Variants in GMPR observed in about 807,000 individuals in gnomAD.
GMPR encodes the protein GMP reductase 1.
GMPR carries 31 observed loss-of-function variants against 38.4 expected under a neutral mutation model. That is an observed-to-expected ratio of 0.81 (90% CI 0.61 to 1.09). The LOEUF (loss-of-function observed/expected upper bound fraction) is 1.09, where lower values mean the gene tolerates loss of function less well. Ranked by LOEUF, GMPR falls within the 50% of genes least tolerant of loss-of-function variation. GMPR has a pLI of 0.00. For missense variants in GMPR, 468 were observed against 453.7 expected (o/e 1.03, Z -0.29); for synonymous variants, 162 against 173.3 (o/e 0.93, Z 0.51).
chr6:16,260,097 G>A (rs1005557907), intron 4 of GMPR, among the ~76,000 whole-genome samples: 3 of 152,078 alleles, frequency 2.0e-5, no homozygotes, highest in Non-Finnish European at 4.4e-5. Flanking sequence ...GCTGTACTTT[G>A]TAGCATTCTG....
intron 3 of GMPR, among the ~76,000 whole-genome samples, chr6:16,252,382 C>T (rs557124313): frequency 1.3e-5 from 2 of 152,232 alleles, no homozygotes; most frequent in African/African-American, 4.8e-5. Flanking sequence ...GCCTCAGCCT[C>T]CTGAGTAGCT....
At position 16,238,706 on chromosome 6, in the gene GMPR, G is replaced by A; in HGVS notation, c.13G>A (p.Asp5Asn). The A allele has an allele frequency of 1.4e-6, 2 of 1,427,800 alleles. No individual in the cohort carries two copies. Among genetic ancestry groups the A allele is most frequent in the Non-Finnish European group, 1.9e-6 (2 of 1,077,138 alleles). The allele number at this position is 1,427,800 out of a possible 1,614,324, so 88.4% of individuals were successfully genotyped here. ...GAGCCGCTGCACCATGCCCCGCATA[G>A]ATGCGGACCTCAAGCTCGACTTCAA... MPRI[D>N]ADLKLDFKDV... The change falls in exon 1 of 9, where the codon GAT becomes AAT. Residue 5 changes from aspartate to asparagine, a missense_variant. By Grantham distance (23) the Asp-to-Asn change is conservative. Transcript: ENST00000259727.
intron 4 of GMPR, among the ~76,000 whole-genome samples, chr6:16,265,623 G>C (rs1759181907): frequency 6.9e-6 from 1 of 145,062 alleles, no homozygotes; most frequent in South Asian, 2.1e-4. Context: ...AAGCAGCGCT[G>C]TGTCTAGCTA....
intron 7 of GMPR, 122 bp downstream of exon 7, chr6:16,285,957 G>T (rs1026838694): frequency 1.2e-5 from 10 of 831,896 alleles, no homozygotes; most frequent in Non-Finnish European, 2.0e-5. Context: ...TCTCCTGGAG[G>T]TTCCTCTCCC....
At chr6:16,279,153 A>G (rs1187905308) in intron 6 of GMPR, among the ~76,000 whole-genome samples, 1 of 152,224 alleles carries the variant, frequency 6.6e-6, no homozygotes, top group Non-Finnish European at 1.5e-5. Context: ...AGCACAGGGT[A>G]GGCCAGGCCA....
chr6:16,274,132 G>A (rs1018619174), intron 4 of GMPR, among the ~76,000 whole-genome samples: 1 of 152,034 alleles, frequency 6.6e-6, no homozygotes, highest in Non-Finnish European at 1.5e-5. Flanking sequence ...GATTTTTGTT[G>A]TTGTTGTTGA....
At chr6:16,245,350 G>A (rs1380932345) in intron 1 of GMPR, among the ~76,000 whole-genome samples, 1 of 152,212 alleles carries the variant, frequency 6.6e-6, no homozygotes, top group Non-Finnish European at 1.5e-5. Flanking sequence ...TGAGAAGCAA[G>A]AGAAATGTAA....
intron 4 of GMPR, among the ~76,000 whole-genome samples, chr6:16,274,090 A>C (rs1178067732): frequency 6.6e-6 from 1 of 152,160 alleles, no homozygotes; most frequent in Non-Finnish European, 1.5e-5. Flanking sequence ...CTGAGATTAC[A>C]GGCGTGAGCC....
intron 1 of GMPR, among the ~76,000 whole-genome samples, chr6:16,244,681 G>T (rs1164650049): frequency 2.0e-5 from 3 of 152,132 alleles, no homozygotes; most frequent in African/African-American, 7.2e-5. Context: ...TTGGCGTATT[G>T]GCCGGCTGTG....
chr6:16,244,505 C>T (rs1197592641), intron 1 of GMPR, among the ~76,000 whole-genome samples: 1 of 152,154 alleles, frequency 6.6e-6, no homozygotes, highest in Non-Finnish European at 1.5e-5. Context: ...AGCTACCACG[C>T]CAGCCCATTT....
intron 4 of GMPR, among the ~76,000 whole-genome samples, chr6:16,255,895 T>C (rs1409112046): frequency 4.6e-5 from 7 of 152,156 alleles, no homozygotes; most frequent in African/African-American, 1.4e-4. Flanking sequence ...ATTTTTATGT[T>C]TTTCAAACAC....
chr6:16,267,027 A>G (rs1041310532), intron 4 of GMPR, among the ~76,000 whole-genome samples: 3 of 150,842 alleles, frequency 2.0e-5, no homozygotes, highest in African/African-American at 4.9e-5. Context: ...GAGCTGTAAC[A>G]CTCCCTGCGA....
At chr6:16,266,096 CTGTAACACTTGCCATCTTTAAG>C (rs1759204982) in intron 4 of GMPR, among the ~76,000 whole-genome samples, 1 of 71,862 alleles carries the variant, frequency 1.4e-5, no homozygotes, top group Admixed American at 1.4e-4. Flanking sequence ...CCTTTAAGAG[CTGTAACACTTGCCATCTTTAAG>C]AGCTGTAACA....
chr6:16,265,965 A>T (rs1759198557), intron 4 of GMPR, among the ~76,000 whole-genome samples: 1 of 152,042 alleles, frequency 6.6e-6, no homozygotes, highest in South Asian at 2.1e-4. Context: ...GGAGAAAGGA[A>T]CAATTGTGGA....
chr6:16,243,185 A>G (rs1437207847), intron 1 of GMPR, among the ~76,000 whole-genome samples: 1 of 152,200 alleles, frequency 6.6e-6, no homozygotes, highest in African/African-American at 2.4e-5. Context: ...CGCCTGGGGA[A>G]ACACTCCAAA....
In GMPR at chr6:16,285,813, A is replaced by G. The variant is rs770762666; in HGVS notation, c.675A>G (p.Pro225=). 1.8e-5 allele frequency: 29 copies of G among 1,613,202 alleles called. No individual in the cohort carries two copies. Among genetic ancestry groups the G allele is most frequent in the Non-Finnish European group, 2.4e-5 (28 of 1,179,630 alleles). ...HIISDGGCTC[P]GDVAKAFGAG... Reference sequence around the variant, plus strand: ...TGAAGGATGGAGGCTGTACGTGTCCAGGGGATGTCGCCAAAGCCTTTGGTA... The same window carrying G: ...TGAAGGATGGAGGCTGTACGTGTCCGGGGGATGTCGCCAAAGCCTTTGGTA... The change falls in exon 7 of 9, where the codon CCA becomes CCG. Residue 225 remains proline (P), a synonymous_variant. Transcript: ENST00000259727.
At chr6:16,291,458 C>T (rs1422991812) in intron 8 of GMPR, among the ~76,000 whole-genome samples, 1 of 151,936 alleles carries the variant, frequency 6.6e-6, no homozygotes, top group East Asian at 1.9e-4. Flanking sequence ...TCCTGACTTC[C>T]AGTGATCCAC....
At chr6:16,250,406 G>A (rs1384513580) in intron 3 of GMPR, 39 bp downstream of exon 3, 8 of 1,137,240 alleles carry the variant, frequency 7.0e-6, no homozygotes, top group Non-Finnish European at 1.1e-5. Flanking sequence ...CAGTGCTGCA[G>A]GGGGGAACAA....
intron 8 of GMPR, 45 bp downstream of exon 8, chr6:16,290,666 T>C (rs1223023538): frequency 6.4e-7 from 1 of 1,562,660 alleles, no homozygotes; most frequent in Non-Finnish European, 8.8e-7. Flanking sequence ...CTGGCCTTGC[T>C]TTTCTTACGG....
Sources: allele counts gnomAD v4.1 joint callset (sites outside exome capture counted in the v4.1 genomes callset), GRCh38; gene constraint gnomAD v4.1.1; transcripts MANE v1.5; gene names NCBI Gene and HGNC (gene_info 2026-07-23, HGNC 2026-07-21).